The following STXBP5 variants were observed in gnomAD, a reference collection of about 807,000 sequenced individuals.
The protein encoded by STXBP5 is syntaxin-binding protein 5.
STXBP5 carries 50 observed loss-of-function variants against 152.4 expected under a neutral mutation model. The ratio of observed to expected loss-of-function variants is 0.33; its 90% confidence interval spans 0.26 to 0.42. The LOEUF is 0.42. Ranked by LOEUF, STXBP5 falls within the 10% of genes least tolerant of loss-of-function variation. The pLI is 1.00. For synonymous variants in STXBP5, 492 were observed against 494.7 expected (o/e 0.99, Z 0.07); for missense variants, 1,167 against 1,388.6 (o/e 0.84, Z 2.54).
chr6:147,240,714 G>A (rs1271674096), intron 4 of STXBP5, among the ~76,000 whole-genome samples: 1 of 152,202 alleles, frequency 6.6e-6, no homozygotes, highest in East Asian at 1.9e-4. Context: ...TAAAGTAGAG[G>A]AAGGAAACCT....
chr6:147,310,559 GA>G, intron 10 of STXBP5, among the ~76,000 whole-genome samples: 1 of 151,490 alleles, frequency 6.6e-6, no homozygotes, highest in African/African-American at 2.4e-5. Context: ...TTGATTGATT[GA>G]TTGATTTTAA....
At position 147,277,968 on chromosome 6, in the gene STXBP5, T is replaced by G. The variant is rs372308810; in HGVS notation, c.715-113T>G. On this transcript the variant is annotated intron_variant, in intron 7 of 27. Transcript: ENST00000321680. ...ATTATGGAAATGTTAAGTTCACATG[T>G]TAACCTTAGGAAATAAAGAAAAGTT... The G allele has an allele frequency of 1.7e-5, 16 of 950,676 alleles. No individual in the cohort carries two copies. The African/African-American group carries it at 2.0e-4, about 12-fold the overall frequency. The allele number at this position is 950,676 out of a possible 1,614,324, so 58.9% of individuals were successfully genotyped here. A position where few individuals can be genotyped will look rare whatever the true frequency, so the allele number is the denominator to read the frequency against.
rs142908680 is a variant in STXBP5 at position 147,303,318 on chromosome 6, C to T, written c.918-6766C>T. ...GATAGAGAGTAAGTTCTCATGAGAT[C>T]TGATAGTTTTATAAGAGGCTTCCCC... is the stretch of plus-strand genomic sequence containing the variant. On this transcript the variant is annotated intron_variant, in intron 9 of 27. Coordinates refer to ENST00000321680, the MANE Select transcript of STXBP5 (RefSeq NM_001127715.4). Among the ~76,000 whole-genome samples, 47 of 152,196 alleles carry T rather than the reference C, an allele frequency of 3.1e-4. No individual in the cohort carries two copies. The East Asian group carries it at 7.0e-3, about 23-fold the overall frequency.
intron 7 of STXBP5, among the ~76,000 whole-genome samples, chr6:147,270,499 T>G (rs1193082861): frequency 6.6e-6 from 1 of 151,926 alleles, no homozygotes; most frequent in Non-Finnish European, 1.5e-5. Context: ...AAGAAAAATT[T>G]GTCAACCTAG....
At chr6:147,206,313 A>AT (rs969898278) in intron 2 of STXBP5, among the ~76,000 whole-genome samples, 10 of 152,198 alleles carry the variant, frequency 6.6e-5, no homozygotes, top group Admixed American at 6.5e-4. Context: ...TTTTTTTATG[A>AT]TAACTATTTT....
At chr6:147,317,005 A>G (rs1338765133) in intron 16 of STXBP5, among the ~76,000 whole-genome samples, 1 of 152,238 alleles carries the variant, frequency 6.6e-6, no homozygotes, top group African/African-American at 2.4e-5. Flanking sequence ...GTAAGAAGTT[A>G]AAATCATTGA....
rs199960958 is a variant in STXBP5 at position 147,319,211 on chromosome 6, ACT to A, written c.1802+2807_1802+2808del. 3.7e-3 allele frequency among the ~76,000 whole-genome samples: 563 copies of A among 151,768 alleles called. 15 individuals carry two copies. Among genetic ancestry groups the A allele is most frequent in the Admixed American group, 0.03 (457 of 15,240 alleles). Reference sequence around the variant, plus strand: ...TGTTTTTTAAAAAACAGTCATTAAAACTCTTTTATTTTTCATTGAGTTTTTAC... The same window carrying A: ...TGTTTTTTAAAAAACAGTCATTAAAACTTTTATTTTTCATTGAGTTTTTAC... On this transcript the variant is annotated intron_variant, in intron 16 of 27. Coordinates refer to ENST00000321680, the MANE Select transcript of STXBP5 (RefSeq NM_001127715.4).
chr6:147,283,644 G>C (rs1018787814), intron 8 of STXBP5, among the ~76,000 whole-genome samples: 2 of 152,280 alleles, frequency 1.3e-5, no homozygotes, highest in African/African-American at 2.4e-5. Context: ...GAAGGCCCTT[G>C]TAATGATCAA....
In STXBP5 at chr6:147,377,707, A is replaced by G. The variant is rs74874085; in HGVS notation, c.3193+3865A>G. 7.2e-3 allele frequency among the ~76,000 whole-genome samples: 1,100 copies of G among 152,194 alleles called. 14 individuals carry two copies. The highest frequency in any genetic ancestry group is 0.025 in the African/African-American group (1,055 of 41,504). On this transcript the variant is annotated intron_variant, in intron 26 of 27. Coordinates refer to ENST00000321680, the MANE Select transcript of STXBP5 (RefSeq NM_001127715.4). The stretch of plus-strand genomic sequence containing the variant: ...GGGCTGTAATCCCACTGATGAGGAC[A>G]ATACCCTTTTTACCTCCCAAAGGCC...
At chr6:147,373,383 A>C (rs954909478) in intron 25 of STXBP5, among the ~76,000 whole-genome samples, 16 of 151,750 alleles carry the variant, frequency 1.1e-4, no homozygotes, top group African/African-American at 3.9e-4. Context: ...AAAAAAAAAA[A>C]AAAAACTTCT....
rs1440353810 is a variant in STXBP5, at chr6:147,386,015, T to C, written c.*1260T>C. On this transcript the variant is annotated 3_prime_UTR_variant, in exon 28 of 28. Transcript: ENST00000321680. ...AATATGTACACTGTGATAACTAAAT[T>C]ATTTCTGTATTGGAATATAATACAA... 1 of 152,078 alleles carries C rather than the reference T, an allele frequency of 6.6e-6. No individual in the cohort carries two copies. The allele number at this position is 152,078 out of a possible 1,614,324, so 9.4% of individuals were successfully genotyped here.
At chr6:147,273,454 T>C (rs1049661870) in intron 7 of STXBP5, among the ~76,000 whole-genome samples, 6 of 152,216 alleles carry the variant, frequency 3.9e-5, no homozygotes, top group South Asian at 2.1e-4. Context: ...ATAATACTTA[T>C]GAATTTCTTT....
chr6:147,328,728 G>A lies in STXBP5; in HGVS notation c.2080+1452G>A, dbSNP rs187832612. 1.5e-5 allele frequency: 7 copies of A among 470,486 alleles called. No individual in the cohort carries two copies. In the East Asian group the frequency reaches 2.8e-4, roughly 19 times the overall value. The allele number at this position is 470,486 out of a possible 1,614,324, so 29.1% of individuals were successfully genotyped here. On this transcript the variant is annotated intron_variant, in intron 18 of 27. Transcript: ENST00000321680. ...GCTGATTGTGACTTCTTGCATGTGCGGCCTTTCTAGCTTATATTCTGAATC... is the reference window on the plus strand; with the variant it reads ...GCTGATTGTGACTTCTTGCATGTGCAGCCTTTCTAGCTTATATTCTGAATC...
At chr6:147,292,609 C>T (rs1348050268) in intron 9 of STXBP5, 2 of 150,374 alleles carry the variant, frequency 1.3e-5, no homozygotes, top group Non-Finnish European at 2.9e-5. Context: ...ATAGGAAAAG[C>T]ATGGTAGCAA....
At chr6:147,356,261 A>G (rs1320013482) in intron 22 of STXBP5, among the ~76,000 whole-genome samples, 1 of 152,064 alleles carries the variant, frequency 6.6e-6, no homozygotes, top group Non-Finnish European at 1.5e-5. Flanking sequence ...GAGTTTTTCT[A>G]CAGGTTAATT....
chr6:147,364,140 A>G lies in STXBP5; in HGVS notation c.3055A>G (p.Ser1019Gly). 6.2e-7 allele frequency: 1 copy of G among 1,613,246 alleles called. No individual in the cohort carries two copies. Among genetic ancestry groups the G allele is most frequent in the Non-Finnish European group, 8.5e-7 (1 of 1,179,784 alleles). The change falls in exon 25 of 28, where the codon AGT becomes GGT. Residue 1019 changes from serine to glycine, a missense_variant. Ser to Gly is a moderately conservative substitution (Grantham distance 56). Coordinates refer to ENST00000321680, the MANE Select transcript of STXBP5 (RefSeq NM_001127715.4). ...TACAGAAATCCAGAGACTTACTTATAGTCAAGAGACCTGTGAAAATCTTCA... is the reference window on the plus strand; with the variant it reads ...TACAGAAATCCAGAGACTTACTTATGGTCAAGAGACCTGTGAAAATCTTCA... ...SPTEIQRLTY[S>G]QETCENLQEM...
chr6:147,363,727 A>C, intron 24 of STXBP5, 23 bp downstream of exon 24: 1 of 1,578,090 alleles, frequency 6.3e-7, no homozygotes, highest in Non-Finnish European at 8.6e-7. Flanking sequence ...TATGTTTTAA[A>C]ACACAGATAT....
chr6:147,287,440 G>C (rs2128348723), intron 8 of STXBP5, among the ~76,000 whole-genome samples: 1 of 151,890 alleles, frequency 6.6e-6, no homozygotes, highest in South Asian at 2.1e-4. Context: ...CTGACCTCGT[G>C]ATCCGCCCGC....
intron 8 of STXBP5, among the ~76,000 whole-genome samples, chr6:147,287,903 T>A (rs1562463814): frequency 6.6e-6 from 1 of 152,162 alleles, no homozygotes; most frequent in Non-Finnish European, 1.5e-5. Flanking sequence ...CATGTATGAG[T>A]ATCCCTTTTC....
Sources: gnomAD v4.1 joint callset for allele counts (sites outside exome capture counted in the v4.1 genomes callset) on GRCh38, gnomAD v4.1.1 for gene constraint, MANE v1.5 for transcripts, NCBI Gene and HGNC (gene_info 2026-07-23, HGNC 2026-07-21) for gene names.